The following ERCC8 variants were observed in gnomAD, a reference collection of about 807,000 sequenced individuals.
ERCC8 encodes the protein ERCC excision repair 8, CSA ubiquitin ligase complex subunit.
A neutral mutation model predicts 54.9 loss-of-function variants in ERCC8; 52 were observed. The observed-to-expected ratio is 0.95, with a 90% CI of 0.76 to 1.19. The LOEUF is 1.19. ERCC8 is among the 50% of genes most tolerant of loss of function. The pLI is 0.00. For synonymous variants in ERCC8, 146 were observed against 157.2 expected (o/e 0.93, Z 0.53); for missense variants, 514 against 466.1 (o/e 1.10, Z -0.95).
chr5:60,885,215 T>C (rs1441099252), intron 11 of ERCC8, among the ~76,000 whole-genome samples: 2 of 152,072 alleles, frequency 1.3e-5, no homozygotes, highest in Non-Finnish European at 2.9e-5. Context: ...GGTCTTTCTA[T>C]GTTGCGTAGG....
At chr5:60,915,188 G>A (rs567360488) in intron 4 of ERCC8, 7 of 151,902 alleles carry the variant, frequency 4.6e-5, no homozygotes, top group Non-Finnish European at 8.8e-5. Flanking sequence ...TAACTTACTC[G>A]TAAAGGCACC....
At chr5:60,922,352 A>T (rs1206284275) in intron 2 of ERCC8, among the ~76,000 whole-genome samples, 197 bp from the exon 3 acceptor site, 1 of 152,050 alleles carries the variant, frequency 6.6e-6, no homozygotes, top group African/African-American at 2.4e-5. Flanking sequence ...GAATGAATAT[A>T]AAAAAATTCA....
intron 1 of ERCC8, among the ~76,000 whole-genome samples, chr5:60,929,688 CA>C (rs1450932995): frequency 6.6e-6 from 1 of 152,128 alleles, no homozygotes; most frequent in African/African-American, 2.4e-5. Flanking sequence ...CAAACTAAGA[CA>C]AATGACATTT....
chr5:60,895,157 G>A (rs1303208280), intron 9 of ERCC8, among the ~76,000 whole-genome samples: 7 of 133,826 alleles, frequency 5.2e-5, no homozygotes, highest in African/African-American at 1.5e-4. Flanking sequence ...GCAACAAAGC[G>A]AGACTCTACC....
intron 9 of ERCC8, among the ~76,000 whole-genome samples, chr5:60,894,592 C>T (rs1019821493): frequency 2.0e-5 from 3 of 150,546 alleles, no homozygotes; most frequent in African/African-American, 5.0e-5. Context: ...AGTGTGCAGG[C>T]TCAGCAGTGT....
At chr5:60,913,344 T>C (rs186827909) in intron 4 of ERCC8, among the ~76,000 whole-genome samples, 5 of 152,288 alleles carry the variant, frequency 3.3e-5, no homozygotes, top group Non-Finnish European at 4.4e-5. Context: ...TCGAGGAATT[T>C]ATCCATTTCT....
At chr5:60,939,045 C>T (rs1750177054) in intron 1 of ERCC8, among the ~76,000 whole-genome samples, 1 of 152,072 alleles carries the variant, frequency 6.6e-6, no homozygotes, top group African/African-American at 2.4e-5. Context: ...ATATATGCTT[C>T]TTAATGGAAG....
At position 60,945,067 on chromosome 5, in the gene ERCC8, G is replaced by A; in HGVS notation, c.-59C>T. On this transcript the variant is annotated 5_prime_UTR_variant, in exon 1 of 12. Transcript: ENST00000676185. The stretch of plus-strand genomic sequence containing the variant: ...TCGCCATGACAGAGCTCAGGGGCGG[G>A]ACTGGAACAGCAGAGTCTCCCATTG... 1 of 1,507,736 alleles carries A rather than the reference G, an allele frequency of 6.6e-7. No individual in the cohort carries two copies. The highest frequency in any genetic ancestry group is 9.2e-7 in the Non-Finnish European group (1 of 1,083,096). 93.4% of individuals were successfully genotyped at this position (1,507,736 alleles called of 1,614,324 possible). A position where few individuals can be genotyped will look rare whatever the true frequency, so the allele number is the denominator to read the frequency against.
intron 1 of ERCC8, among the ~76,000 whole-genome samples, chr5:60,943,811 G>A (rs1750338870): frequency 6.6e-6 from 1 of 152,082 alleles, no homozygotes. Context: ...TGAACTTATA[G>A]ACATAAATGA....
chr5:60,884,523 G>GTTTTTTTTTTTTT (rs71606648), intron 11 of ERCC8, among the ~76,000 whole-genome samples: 2 of 128,126 alleles, frequency 1.6e-5, no homozygotes, highest in Non-Finnish European at 3.2e-5. Flanking sequence ...GTGTGTATGT[G>GTTTTTTTTTTTTT]TTTTTTTTTT....
chr5:60,938,073 ATATATATATATATTT>A (rs1455710181), intron 1 of ERCC8, among the ~76,000 whole-genome samples: 12 of 30,674 alleles, frequency 3.9e-4, no homozygotes, highest in South Asian at 8.6e-4. Flanking sequence ...ATATATATAT[ATATATATATATATTT>A]TATTTTTTTT....
At chr5:60,922,187 A>G (rs776340089) in intron 2 of ERCC8, 32 bp from the exon 3 acceptor site, 4 of 1,373,610 alleles carry the variant, frequency 2.9e-6, no homozygotes, top group Non-Finnish European at 4.1e-6. Context: ...TTAATTTATC[A>G]TTTTATTTAT....
chr5:60,923,780 C>T (rs1360361486), intron 2 of ERCC8, among the ~76,000 whole-genome samples: 1 of 151,938 alleles, frequency 6.6e-6, no homozygotes, highest in Non-Finnish European at 1.5e-5. Flanking sequence ...ATACATTTAT[C>T]CCAATTACAA....
intron 4 of ERCC8, among the ~76,000 whole-genome samples, chr5:60,911,262 T>C (rs1749251077): frequency 2.0e-5 from 3 of 152,152 alleles, no homozygotes; most frequent in Non-Finnish European, 4.4e-5. Context: ...GCATCTGTTG[T>C]GTCCTGACTT....
chr5:60,894,743 A>G (rs1430831625), intron 9 of ERCC8, among the ~76,000 whole-genome samples: 1 of 152,142 alleles, frequency 6.6e-6, no homozygotes, highest in Non-Finnish European at 1.5e-5. Flanking sequence ...GGGCTAAATA[A>G]GTTGATGGGT....
intron 11 of ERCC8, among the ~76,000 whole-genome samples, chr5:60,886,048 C>CTATATGTATATA (rs1423993186): frequency 1.3e-5 from 2 of 149,926 alleles, no homozygotes; most frequent in Non-Finnish European, 3.0e-5. Context: ...ACTTAAAGAA[C>CTATATGTATATA]TATATGTATA....
In ERCC8 at chr5:60,877,102, A is replaced by T. The variant is rs1043221793; in HGVS notation, c.1123-2419T>A. Reference sequence around the variant, plus strand: ...CAGTTTCAGCTTTCTAAGTATGGCTAGCCAGTTATCCCAGCACCATTTACT... The same window carrying T: ...CAGTTTCAGCTTTCTAAGTATGGCTTGCCAGTTATCCCAGCACCATTTACT... On this transcript the variant is annotated intron_variant, in intron 11 of 11. Transcript: ENST00000676185. Among the ~76,000 whole-genome samples, 5 of 152,316 alleles carry T rather than the reference A, an allele frequency of 3.3e-5. No homozygotes were observed. In the South Asian group the frequency reaches 6.2e-4, roughly 19 times the overall value.
At position 60,921,947 on chromosome 5, in the gene ERCC8, C is replaced by T; in HGVS notation, c.275+107G>A. On this transcript the variant is annotated intron_variant, in intron 3 of 11. Transcript: ENST00000676185. ...AGCCATGCAAATGTGTTATGTGAAC[C>T]ATTCGCTTGACCCATTCACTTGACT... 5.8e-6 allele frequency: 4 copies of T among 691,798 alleles called. No homozygotes were observed. In the Admixed American group the frequency reaches 8.5e-5, roughly 15 times the overall value. The allele number at this position is 691,798 out of a possible 1,614,324, so 42.9% of individuals were successfully genotyped here.
chr5:60,880,060 G>C (rs902982855), intron 11 of ERCC8, among the ~76,000 whole-genome samples: 21 of 152,214 alleles, frequency 1.4e-4, no homozygotes, highest in African/African-American at 5.1e-4. Flanking sequence ...GGGCAGGCCT[G>C]GTGGTGACAA....
Sources: allele counts gnomAD v4.1 joint callset (sites outside exome capture counted in the v4.1 genomes callset), GRCh38; gene constraint gnomAD v4.1.1; transcripts MANE v1.5; gene names NCBI Gene and HGNC (gene_info 2026-07-23, HGNC 2026-07-21).